Variants in ATRNL1 observed in about 807,000 individuals in gnomAD.
The protein encoded by ATRNL1 is attractin like 1.
Under a neutral mutation model 182.7 loss-of-function variants are expected in ATRNL1, and 95 were observed. The ratio of observed to expected loss-of-function variants is 0.52; its 90% CI spans 0.44 to 0.62. The LOEUF is 0.62. Ranked by LOEUF, ATRNL1 falls within the 20% of genes least tolerant of loss-of-function variation. ATRNL1 has a pLI of 0.00. For missense variants in ATRNL1, 1,471 were observed against 1,679.5 expected, an observed-to-expected ratio of 0.88 and a Z score of 2.17; for synonymous variants, 576 against 568.3, an observed-to-expected ratio of 1.01 and a Z score of -0.19.
At chr10:115,245,737 T>A (rs1850609472) in intron 10 of ATRNL1, among the ~76,000 whole-genome samples, 1 of 152,130 alleles carries the variant, frequency 6.6e-6, no homozygotes, top group South Asian at 2.1e-4. Flanking sequence ...TGTTTATAAT[T>A]ATTTTTATTT....
intron 21 of ATRNL1, 35 bp from the exon 22 acceptor site, chr10:115,461,906 A>T (rs370306072): frequency 6.8e-7 from 1 of 1,480,416 alleles, no homozygotes; most frequent in Middle Eastern, 1.7e-4. Flanking sequence ...TTTTTAAAGT[A>T]CATATCAGGA....
chr10:115,489,403 G>C (rs752801038), intron 24 of ATRNL1, among the ~76,000 whole-genome samples: 3 of 152,078 alleles, frequency 2.0e-5, no homozygotes, highest in Non-Finnish European at 4.4e-5. Flanking sequence ...ATGAATCTGG[G>C]TGCTCCTGTA....
intron 5 of ATRNL1, among the ~76,000 whole-genome samples, chr10:115,138,364 G>A (rs1332049407): frequency 6.6e-6 from 1 of 152,204 alleles, no homozygotes; most frequent in African/African-American, 2.4e-5. Context: ...CCAACCCTAC[G>A]TTTCCCTTCT....
At chr10:115,849,618 C>A (rs1038303771) in intron 28 of ATRNL1, among the ~76,000 whole-genome samples, 21 of 152,222 alleles carry the variant, frequency 1.4e-4, no homozygotes, top group East Asian at 1.2e-3. Flanking sequence ...ATGCATAGTA[C>A]TTTACTCTTT....
intron 27 of ATRNL1, among the ~76,000 whole-genome samples, chr10:115,831,896 G>A (rs548005400): frequency 3.3e-5 from 5 of 151,948 alleles, no homozygotes; most frequent in Non-Finnish European, 5.9e-5. Context: ...ATTAACTAAA[G>A]GCATTAAGAA....
intron 26 of ATRNL1, among the ~76,000 whole-genome samples, chr10:115,643,697 A>G (rs946358096): frequency 6.6e-6 from 1 of 152,310 alleles, no homozygotes; most frequent in South Asian, 2.1e-4. Flanking sequence ...GATACTCAAT[A>G]TCATTAGTCT....
intron 19 of ATRNL1, among the ~76,000 whole-genome samples, chr10:115,379,262 A>T (rs1857852439): frequency 6.6e-6 from 1 of 152,188 alleles, no homozygotes; most frequent in Non-Finnish European, 1.5e-5. Context: ...GTTCAGCATA[A>T]AAGGATAGCC....
intron 19 of ATRNL1, among the ~76,000 whole-genome samples, chr10:115,376,167 T>G (rs181379084): frequency 6.6e-6 from 1 of 152,246 alleles, no homozygotes; most frequent in Admixed American, 6.5e-5. Flanking sequence ...CTTCCTCCTG[T>G]TTTATAAGGT....
chr10:115,552,339 C>A (rs1476689406), intron 26 of ATRNL1, among the ~76,000 whole-genome samples: 3 of 151,222 alleles, frequency 2.0e-5, no homozygotes, highest in African/African-American at 7.3e-5. Flanking sequence ...ACTATTATTT[C>A]TTTATGTGAA....
intron 26 of ATRNL1, among the ~76,000 whole-genome samples, chr10:115,727,026 G>A (rs561633642): frequency 1.4e-4 from 22 of 152,168 alleles, no homozygotes; most frequent in African/African-American, 4.8e-4. Context: ...GAGGTCAGGG[G>A]AAAAGTTATT....
chr10:115,626,421 T>G (rs185580980), intron 26 of ATRNL1, among the ~76,000 whole-genome samples: 251 of 152,302 alleles, frequency 1.6e-3, no homozygotes, highest in African/African-American at 5.2e-3. Context: ...ACTTTATTTT[T>G]GGGCATATTG....
At chr10:115,465,030 C>A (rs1393424314) in intron 22 of ATRNL1, among the ~76,000 whole-genome samples, 2 of 151,670 alleles carry the variant, frequency 1.3e-5, no homozygotes, top group Non-Finnish European at 3.0e-5. Context: ...ATTTAACGCT[C>A]ACAAGAGCTT....
chr10:115,405,671 CTTCA>C (rs1379457141), intron 20 of ATRNL1, among the ~76,000 whole-genome samples: 1 of 150,882 alleles, frequency 6.6e-6, no homozygotes, highest in African/African-American at 2.4e-5. Context: ...TTATAACACA[CTTCA>C]TTCATTTGCC....
chr10:115,147,069 G>C (rs1295340244), intron 5 of ATRNL1, among the ~76,000 whole-genome samples: 1 of 152,080 alleles, frequency 6.6e-6, no homozygotes, highest in African/African-American at 2.4e-5. Context: ...CATAGTGGCT[G>C]TACTAATTTA....
intron 21 of ATRNL1, among the ~76,000 whole-genome samples, chr10:115,430,791 T>G (rs534150437): frequency 2.0e-5 from 3 of 152,264 alleles, no homozygotes; most frequent in South Asian, 2.1e-4. Context: ...GCAATTTTGT[T>G]TGTCACAACA....
At chr10:115,545,152 G>A (rs1340634646) in intron 25 of ATRNL1, among the ~76,000 whole-genome samples, 20 of 149,646 alleles carry the variant, frequency 1.3e-4, no homozygotes, top group South Asian at 8.4e-4. Context: ...GGAGAATGGC[G>A]TGAACCCGGG....
At chr10:115,489,570 A>G (rs1302879238) in intron 24 of ATRNL1, among the ~76,000 whole-genome samples, 5 of 151,530 alleles carry the variant, frequency 3.3e-5, no homozygotes, top group African/African-American at 1.2e-4. Flanking sequence ...TTTGCTTTCC[A>G]TTTGCTTGGT....
At chr10:115,169,631 A>G (rs782031942) in intron 7 of ATRNL1, among the ~76,000 whole-genome samples, 1 of 152,038 alleles carries the variant, frequency 6.6e-6, no homozygotes, top group African/African-American at 2.4e-5. Context: ...TTTGGAATCA[A>G]TTTGTCAGTT....
chr10:115,372,839 T>G (rs1261649288), intron 19 of ATRNL1, among the ~76,000 whole-genome samples: 1 of 152,190 alleles, frequency 6.6e-6, no homozygotes, highest in African/African-American at 2.4e-5. Flanking sequence ...TGCTCATTAT[T>G]GCTATGGCTA....
Sources: allele counts gnomAD v4.1 joint callset (sites outside exome capture counted in the v4.1 genomes callset), GRCh38; gene constraint gnomAD v4.1.1; transcripts MANE v1.5; gene names NCBI Gene and HGNC (gene_info 2026-07-23, HGNC 2026-07-21).